CDH12: variants seen among roughly 807,000 people sequenced by gnomAD.
The protein encoded by CDH12 is cadherin 12.
In CDH12, 41 loss-of-function variants were observed where a neutral mutation model predicts 74.1. The ratio of observed to expected loss-of-function variants is 0.55; its 90% CI spans 0.43 to 0.72. CDH12 has a LOEUF of 0.72. Among genes scored for constraint, CDH12 ranks in the 30% least tolerant of loss-of-function variants. The pLI is 0.00. For synonymous variants in CDH12, 399 were observed against 355.0 expected, an observed-to-expected ratio of 1.12 and a Z score of -1.39; for missense variants, 945 against 977.2, an observed-to-expected ratio of 0.97 and a Z score of 0.44.
chr5:22,700,507 T>C (rs1316341867), intron 1 of CDH12, among the ~76,000 whole-genome samples: 2 of 152,254 alleles, frequency 1.3e-5, no homozygotes, highest in Non-Finnish European at 2.9e-5. Flanking sequence ...GTTATTTAAC[T>C]CTGGCCTATG....
chr5:22,433,382 T>TA (rs35748914), intron 2 of CDH12, among the ~76,000 whole-genome samples: 18 of 152,198 alleles, frequency 1.2e-4, no homozygotes, highest in African/African-American at 4.3e-4. Flanking sequence ...TTTTGAATCC[T>TA]AAAAAAATCA....
intron 1 of CDH12, among the ~76,000 whole-genome samples, chr5:22,732,176 G>C (rs1271741987): frequency 6.6e-6 from 1 of 151,730 alleles, no homozygotes; most frequent in East Asian, 1.9e-4. Flanking sequence ...GTTGGTTTCT[G>C]TGCAGGTCTG....
At chr5:22,749,169 CAGA>C (rs1197636794) in intron 1 of CDH12, among the ~76,000 whole-genome samples, 1 of 152,168 alleles carries the variant, frequency 6.6e-6, no homozygotes, top group African/African-American at 2.4e-5. Flanking sequence ...AACGTGCAAG[CAGA>C]AGTTGAAAGT....
chr5:22,779,600 G>A (rs1747283162), intron 1 of CDH12, among the ~76,000 whole-genome samples: 1 of 152,172 alleles, frequency 6.6e-6, no homozygotes, highest in Non-Finnish European at 1.5e-5. Flanking sequence ...TAGTAGAGGT[G>A]ATTGGATCAT....
intron 3 of CDH12, among the ~76,000 whole-genome samples, chr5:22,277,726 C>T (rs751412136): frequency 1.1e-4 from 17 of 152,120 alleles, no homozygotes; most frequent in South Asian, 2.1e-4. Flanking sequence ...CCCAGCTACT[C>T]AGGAGGCTGA....
At chr5:22,400,574 A>T (rs890384682) in intron 3 of CDH12, among the ~76,000 whole-genome samples, 2 of 151,968 alleles carry the variant, frequency 1.3e-5, no homozygotes, top group African/African-American at 2.4e-5. Context: ...GGAATTACAG[A>T]TGTGAACCAC....
chr5:21,787,829 T>C (rs541254674), intron 10 of CDH12, among the ~76,000 whole-genome samples: 1 of 152,298 alleles, frequency 6.6e-6, no homozygotes, highest in East Asian at 1.9e-4. Context: ...TCAGAAAACA[T>C]AGAGATATAA....
At chr5:21,877,554 GAA>G (rs1752004678) in intron 6 of CDH12, among the ~76,000 whole-genome samples, 3 of 152,202 alleles carry the variant, frequency 2.0e-5, no homozygotes, top group Non-Finnish European at 2.9e-5. Context: ...GCTGATGTTA[GAA>G]GTTTTCAATC....
rs1269169338 is a variant in CDH12 at position 22,090,898 on chromosome 5, A to C, written c.-186-12036T>G. 2.0e-5 allele frequency among the ~76,000 whole-genome samples: 3 copies of C among 152,052 alleles called. No individual in the cohort carries two copies. In the East Asian group the frequency reaches 5.8e-4, roughly 29 times the overall value. ...TTCAATATGTTTTATTGATAAAAAC[A>C]ATCAACAAAGTAGGAAGAAAACAAA... On this transcript the variant is annotated intron_variant, in intron 4 of 14. Transcript: ENST00000382254.
chr5:22,222,875 A>C (rs976027880), intron 3 of CDH12, among the ~76,000 whole-genome samples: 3 of 152,032 alleles, frequency 2.0e-5, no homozygotes, highest in African/African-American at 7.2e-5. Context: ...AATTCCAATA[A>C]GAACAAGAGT....
intron 5 of CDH12, among the ~76,000 whole-genome samples, chr5:21,984,796 C>A (rs180777987): frequency 2.6e-5 from 4 of 152,152 alleles, no homozygotes; most frequent in African/African-American, 9.7e-5. Context: ...TCTATATTCT[C>A]AAAATCTAGA....
chr5:22,451,401 G>T (rs1324047196), intron 2 of CDH12, among the ~76,000 whole-genome samples: 1 of 151,846 alleles, frequency 6.6e-6, no homozygotes, highest in Non-Finnish European at 1.5e-5. Flanking sequence ...TCCCAGCAAT[G>T]CGAGGATGGT....
At chr5:22,220,950 A>C (rs534885254) in intron 3 of CDH12, among the ~76,000 whole-genome samples, 23 of 151,776 alleles carry the variant, frequency 1.5e-4, no homozygotes, top group African/African-American at 4.6e-4. Flanking sequence ...CAGGTCATCT[A>C]CTGTGTAGAG....
At chr5:22,058,796 G>A (rs1185784649) in intron 5 of CDH12, among the ~76,000 whole-genome samples, 3 of 151,088 alleles carry the variant, frequency 2.0e-5, no homozygotes, top group Non-Finnish European at 3.0e-5. Context: ...GGAAAAGGGA[G>A]GAAGGAAGGA....
intron 1 of CDH12, among the ~76,000 whole-genome samples, chr5:22,527,919 A>G (rs896963397): frequency 6.6e-6 from 1 of 152,148 alleles, no homozygotes; most frequent in African/African-American, 2.4e-5. Context: ...GTGAGCTCAT[A>G]TCGATAAATT....
rs144911882 is a variant in CDH12 at position 21,923,516 on chromosome 5, C to T, written c.526+51575G>A. Among the ~76,000 whole-genome samples, 93 of 152,194 alleles carry T rather than the reference C, an allele frequency of 6.1e-4. No individual in the cohort carries two copies. The East Asian group carries it at 0.017, about 28-fold the overall frequency. On this transcript the variant is annotated intron_variant, in intron 6 of 14. Coordinates refer to ENST00000382254, the MANE Select transcript of CDH12 (RefSeq NM_004061.5). ...CCTTGCTTTGTTTCTCAAAGCAAAA[C>T]TAAATAGTATAATGTTCCTTCCAAC...
chr5:22,529,105 CAT>C (rs1491309251), intron 1 of CDH12, among the ~76,000 whole-genome samples: 1 of 103,478 alleles, frequency 9.7e-6, no homozygotes. Flanking sequence ...TGAATATATG[CAT>C]ATATATGCAT....
intron 3 of CDH12, among the ~76,000 whole-genome samples, chr5:22,385,341 A>G (rs1330865017): frequency 1.3e-5 from 2 of 152,268 alleles, no homozygotes; most frequent in Middle Eastern, 3.4e-3. Flanking sequence ...TCCATCTTTG[A>G]CCAACATGGA....
chr5:22,679,849 G>C (rs1382350), intron 1 of CDH12, among the ~76,000 whole-genome samples: 84,244 of 151,808 alleles, frequency 0.55, 23,616 homozygotes, highest in Non-Finnish European at 0.58. Flanking sequence ...ATAGAACAAA[G>C]AGACTCTTTC....
Sources: allele counts gnomAD v4.1 joint callset (sites outside exome capture counted in the v4.1 genomes callset), GRCh38; gene constraint gnomAD v4.1.1; transcripts MANE v1.5; gene names NCBI Gene and HGNC (gene_info 2026-07-23, HGNC 2026-07-21).